The following NLGN1 variants were observed in gnomAD, a reference collection of about 807,000 sequenced individuals.
NLGN1 encodes neuroligin 1, also known as neuroligin-1.
In NLGN1, 12 loss-of-function variants were observed where a neutral mutation model predicts 65.5. The ratio of observed to expected loss-of-function variants is 0.18; its 90% CI spans 0.12 to 0.30. The LOEUF (loss-of-function observed/expected upper bound fraction) is 0.30. NLGN1 is among the 10% of genes least tolerant of loss of function. NLGN1 has a pLI of 1.00. For missense variants in NLGN1, 750 were observed against 1,007.1 expected (o/e 0.74, Z 3.46); for synonymous variants, 350 against 359.5 (o/e 0.97, Z 0.30).
At chr3:173,983,956 C>A (rs771933162) in intron 4 of NLGN1, among the ~76,000 whole-genome samples, 15 of 152,164 alleles carry the variant, frequency 9.9e-5, no homozygotes, top group Non-Finnish European at 1.9e-4. Flanking sequence ...TGTGGATTAA[C>A]TAACTGAATT....
chr3:174,091,894 C>T (rs1195308347), intron 4 of NLGN1, among the ~76,000 whole-genome samples: 2 of 152,022 alleles, frequency 1.3e-5, no homozygotes, highest in Non-Finnish European at 2.9e-5. Context: ...ATGGCCAAGT[C>T]CCAAAGGGAA....
intron 3 of NLGN1, among the ~76,000 whole-genome samples, chr3:173,778,769 G>C (rs1045973065): frequency 6.6e-6 from 1 of 151,598 alleles, no homozygotes; most frequent in African/African-American, 2.4e-5. Context: ...TTTTCAGTAA[G>C]TAAATTAAAT....
intron 4 of NLGN1, among the ~76,000 whole-genome samples, chr3:174,184,217 T>A (rs1249821289): frequency 6.6e-6 from 1 of 152,016 alleles, no homozygotes; most frequent in African/African-American, 2.4e-5. Flanking sequence ...AAATAGACCA[T>A]CAACATTATT....
intron 4 of NLGN1, among the ~76,000 whole-genome samples, chr3:173,917,176 A>G (rs553049913): frequency 1.1e-4 from 16 of 152,346 alleles, no homozygotes; most frequent in African/African-American, 3.8e-4. Flanking sequence ...TAATTTGCAG[A>G]ATCTGATTTT....
intron 4 of NLGN1, among the ~76,000 whole-genome samples, chr3:173,860,586 A>T (rs1480874267): frequency 6.6e-6 from 1 of 152,172 alleles, no homozygotes; most frequent in Admixed American, 6.5e-5. Flanking sequence ...TCATCAGTAA[A>T]TTAGTTAAAA....
At chr3:173,404,411 G>A (rs1214821411) in intron 1 of NLGN1, among the ~76,000 whole-genome samples, 1 of 152,124 alleles carries the variant, frequency 6.6e-6, no homozygotes, top group Non-Finnish European at 1.5e-5. Flanking sequence ...CAGGCTCCAT[G>A]CCTAGAGCTG....
chr3:174,143,545 G>A (rs181201067), intron 4 of NLGN1, among the ~76,000 whole-genome samples: 1 of 152,174 alleles, frequency 6.6e-6, no homozygotes, highest in East Asian at 1.9e-4. Flanking sequence ...CTAAAAAGCA[G>A]CCAGCAAAAA....
intron 4 of NLGN1, among the ~76,000 whole-genome samples, chr3:174,268,222 G>C (rs910574515): frequency 6.6e-6 from 1 of 152,012 alleles, no homozygotes; most frequent in Non-Finnish European, 1.5e-5. Flanking sequence ...TTTTAGAAGA[G>C]ATATTCTTCT....
intron 4 of NLGN1, among the ~76,000 whole-genome samples, chr3:173,959,600 A>G (rs1246722299): frequency 6.6e-6 from 1 of 152,238 alleles, no homozygotes; most frequent in Non-Finnish European, 1.5e-5. Flanking sequence ...TATTCAAAGC[A>G]TGAATCTTTT....
chr3:174,047,952 T>A (rs77131877), intron 4 of NLGN1, among the ~76,000 whole-genome samples: 11,333 of 152,092 alleles, frequency 0.075, 487 homozygotes, highest in East Asian at 0.11. Context: ...TCTTAAGCAC[T>A]TCATAGATGT....
intron 3 of NLGN1, among the ~76,000 whole-genome samples, chr3:173,666,716 T>C (rs1045968048): frequency 6.6e-6 from 1 of 152,174 alleles, no homozygotes; most frequent in South Asian, 2.1e-4. Flanking sequence ...CAGTGAAAAG[T>C]TTTTTAAAAG....
chr3:174,163,918 A>G (rs1727039222), intron 4 of NLGN1, among the ~76,000 whole-genome samples: 1 of 152,042 alleles, frequency 6.6e-6, no homozygotes, highest in Admixed American at 6.6e-5. Flanking sequence ...TCTTTTTGGT[A>G]GAATGATTTG....
chr3:174,210,429 C>CAA (rs1322211116), intron 4 of NLGN1, among the ~76,000 whole-genome samples: 19 of 152,128 alleles, frequency 1.2e-4, no homozygotes, highest in Admixed American at 1.2e-3. Flanking sequence ...ATATGCCCTT[C>CAA]AAAGTGTATA....
intron 4 of NLGN1, among the ~76,000 whole-genome samples, chr3:174,178,704 C>T (rs1254806477): frequency 6.6e-6 from 1 of 151,530 alleles, no homozygotes; most frequent in Non-Finnish European, 1.5e-5. Context: ...ATTTTTTTTC[C>T]AAGATACATT....
intron 4 of NLGN1, among the ~76,000 whole-genome samples, chr3:173,958,792 G>C (rs954598034): frequency 6.6e-6 from 1 of 152,190 alleles, no homozygotes; most frequent in Non-Finnish European, 1.5e-5. Context: ...TTCATGCTGA[G>C]AGATGCCTGC....
chr3:173,920,303 TAGAA>T (rs1049667861), intron 4 of NLGN1, among the ~76,000 whole-genome samples: 10 of 152,138 alleles, frequency 6.6e-5, no homozygotes, highest in African/African-American at 2.4e-4. Flanking sequence ...GCAGGTGTGT[TAGAA>T]AGAAAGCACA....
intron 2 of NLGN1, among the ~76,000 whole-genome samples, chr3:173,551,687 C>T (rs929779029): frequency 6.6e-6 from 1 of 152,192 alleles, no homozygotes; most frequent in Non-Finnish European, 1.5e-5. Context: ...CTTTCAAAGG[C>T]AGGCAGGGTT....
chr3:173,519,302 C>T (rs1319058527), intron 2 of NLGN1, among the ~76,000 whole-genome samples: 1 of 152,210 alleles, frequency 6.6e-6, no homozygotes, highest in African/African-American at 2.4e-5. Flanking sequence ...GGAGCCTCCA[C>T]AGAGAGTCCC....
chr3:174,126,644 G>A (rs1271900365), intron 4 of NLGN1, among the ~76,000 whole-genome samples: 3 of 151,944 alleles, frequency 2.0e-5, no homozygotes, highest in Non-Finnish European at 4.4e-5. Flanking sequence ...CTTAACCTGG[G>A]ACTGAGAAGA....
Sources: allele counts gnomAD v4.1 joint callset (sites outside exome capture counted in the v4.1 genomes callset), GRCh38; gene constraint gnomAD v4.1.1; transcripts MANE v1.5; gene names NCBI Gene and HGNC (gene_info 2026-07-23, HGNC 2026-07-21).